The following XXYLT1 variants were observed in gnomAD, a reference collection of about 807,000 sequenced individuals.
The protein encoded by XXYLT1 is UDP-xylose:alpha-xyloside alpha-1,3-xylosyltransferase.
A neutral mutation model predicts 28.9 loss-of-function variants in XXYLT1; 20 were observed. The ratio of observed to expected loss-of-function variants is 0.69; its 90% confidence interval spans 0.49 to 1.00. The LOEUF (loss-of-function observed/expected upper bound fraction) is 1.00, where lower values mean the gene tolerates loss of function less well. Ranked by LOEUF, XXYLT1 falls within the 50% of genes least tolerant of loss-of-function variation. The pLI is 0.00. For synonymous variants in XXYLT1, 257 were observed against 253.8 expected (o/e 1.01, Z -0.12); for missense variants, 542 against 560.1 (o/e 0.97, Z 0.33).
intron 2 of XXYLT1, chr3:195,183,727 G>A (rs1320774481): frequency 6.6e-6 from 1 of 152,256 alleles, no homozygotes; most frequent in Non-Finnish European, 1.5e-5. Flanking sequence ...AACAGGAAGG[G>A]AGTGAAACTA....
At chr3:195,142,818 G>A (rs1033055724) in intron 3 of XXYLT1, among the ~76,000 whole-genome samples, 1 of 152,222 alleles carries the variant, frequency 6.6e-6, no homozygotes, top group Non-Finnish European at 1.5e-5. Context: ...GAAGCAGTGA[G>A]GATATACCTG....
chr3:195,255,907 C>T lies in XXYLT1; in HGVS notation c.504+14648G>A, dbSNP rs1725459421. Among the ~76,000 whole-genome samples the T allele has an allele frequency of 6.6e-6, 1 of 152,162 alleles. No homozygotes were observed. Among genetic ancestry groups the T allele is most frequent in the Non-Finnish European group, 1.5e-5 (1 of 68,002 alleles). On this transcript the variant is annotated intron_variant, in intron 1 of 3. Coordinates refer to ENST00000310380, the MANE Select transcript of XXYLT1 (RefSeq NM_152531.5). This position sits in a 1 kb window ranked among gnomAD's most constrained non-coding sequence, Gnocchi z 4.5. Reference sequence around the variant, plus strand: ...CTCCAACATCTCAGCCTGTAAATCCCACCTCCTAGAAAGAGGCTCCCTGCT... The same window carrying T: ...CTCCAACATCTCAGCCTGTAAATCCTACCTCCTAGAAAGAGGCTCCCTGCT...
At chr3:195,125,988 GC>G (rs1718600971) in intron 3 of XXYLT1, among the ~76,000 whole-genome samples, 1 of 151,844 alleles carries the variant, frequency 6.6e-6, no homozygotes, top group Non-Finnish European at 1.5e-5. Context: ...CACAAGGAGT[GC>G]CCCCAAAACC....
At chr3:195,159,324 CAAG>C (rs1720755190) in intron 2 of XXYLT1, among the ~76,000 whole-genome samples, 1 of 152,136 alleles carries the variant, frequency 6.6e-6, no homozygotes, top group Non-Finnish European at 1.5e-5. Context: ...AGCTGAGGGC[CAAG>C]AAGAGAGACT....
chr3:195,116,759 G>A (rs1718063133), intron 3 of XXYLT1, among the ~76,000 whole-genome samples: 1 of 152,222 alleles, frequency 6.6e-6, no homozygotes, highest in African/African-American at 2.4e-5. Flanking sequence ...ACCAGGTAAA[G>A]GCTGAGACGG....
intron 2 of XXYLT1, among the ~76,000 whole-genome samples, chr3:195,188,861 G>C (rs1181946589): frequency 6.6e-6 from 1 of 152,200 alleles, no homozygotes; most frequent in Non-Finnish European, 1.5e-5. Context: ...GTGACAACAT[G>C]ACAGAGATGC....
At chr3:195,248,191 C>CT (rs1180894769) in intron 1 of XXYLT1, among the ~76,000 whole-genome samples, 1 of 152,324 alleles carries the variant, frequency 6.6e-6, no homozygotes, top group South Asian at 2.1e-4. Flanking sequence ...CAGGCTTATA[C>CT]TGTTGTGCAA....
chr3:195,228,161 T>C (rs1724136256), intron 1 of XXYLT1, among the ~76,000 whole-genome samples: 1 of 152,156 alleles, frequency 6.6e-6, no homozygotes, highest in Admixed American at 6.5e-5. Context: ...CCACACTGCA[T>C]CCTAGCTGCT....
rs1409520963 is a variant in XXYLT1 at position 195,076,574 on chromosome 3, A to G, written c.786-6463T>C. On this transcript the variant is annotated intron_variant, in intron 3 of 3. Coordinates refer to ENST00000310380, the MANE Select transcript of XXYLT1 (RefSeq NM_152531.5). This position sits in a 1 kb window ranked among gnomAD's most constrained non-coding sequence, Gnocchi z 5.3. Reference sequence around the variant, plus strand: ...GTTAGTTCGCTAGGGCTGCCATCGCAAAGTACCACCAATGGGGCGGCTTCA... The same window carrying G: ...GTTAGTTCGCTAGGGCTGCCATCGCGAAGTACCACCAATGGGGCGGCTTCA... 2.0e-5 allele frequency among the ~76,000 whole-genome samples: 3 copies of G among 152,134 alleles called. No individual in the cohort carries two copies. The highest frequency in any genetic ancestry group is 7.2e-5 in the African/African-American group (3 of 41,420).
At chr3:195,163,070 T>C (rs1037415918) in intron 2 of XXYLT1, among the ~76,000 whole-genome samples, 3 of 152,234 alleles carry the variant, frequency 2.0e-5, no homozygotes, top group Admixed American at 6.5e-5. Context: ...TCACAACAGT[T>C]AGACCGATGA....
At chr3:195,098,896 G>A (rs918874218) in intron 3 of XXYLT1, among the ~76,000 whole-genome samples, 4 of 152,304 alleles carry the variant, frequency 2.6e-5, no homozygotes, top group South Asian at 2.1e-4. Flanking sequence ...AGGGCTTTCC[G>A]TCCCATGTTC....
At chr3:195,197,246 G>A (rs1005454263) in intron 2 of XXYLT1, among the ~76,000 whole-genome samples, 1 of 152,172 alleles carries the variant, frequency 6.6e-6, no homozygotes, top group Non-Finnish European at 1.5e-5. Context: ...AGACCAGCCT[G>A]GCCAACAAGG....
intron 3 of XXYLT1, among the ~76,000 whole-genome samples, chr3:195,071,180 A>G (rs565209284): frequency 2.6e-5 from 4 of 152,308 alleles, no homozygotes; most frequent in African/African-American, 9.6e-5. Context: ...GAGGACCATC[A>G]GGAGGCCCAC....
At chr3:195,113,272 G>T (rs796166791) in intron 3 of XXYLT1, among the ~76,000 whole-genome samples, 1 of 152,174 alleles carries the variant, frequency 6.6e-6, no homozygotes, top group Non-Finnish European at 1.5e-5. Context: ...AACATCTGGC[G>T]GGAGCTCGGA....
At chr3:195,261,720 T>TA (rs138639621) in intron 1 of XXYLT1, among the ~76,000 whole-genome samples, 1,636 of 152,268 alleles carry the variant, frequency 0.011, 35 homozygotes, top group African/African-American at 0.037. Flanking sequence ...GTAAATATAT[T>TA]AAAAAATACC....
intron 2 of XXYLT1, among the ~76,000 whole-genome samples, chr3:195,199,535 C>T (rs914590179): frequency 3.3e-5 from 5 of 151,900 alleles, no homozygotes; most frequent in African/African-American, 1.2e-4. Flanking sequence ...GGCGTGAACC[C>T]GGGAGGCGGA....
chr3:195,225,256 C>A (rs961009464), intron 2 of XXYLT1, among the ~76,000 whole-genome samples: 1 of 152,230 alleles, frequency 6.6e-6, no homozygotes, highest in Non-Finnish European at 1.5e-5. Context: ...CTTCTTCAGA[C>A]TCCTGCCCAG....
chr3:195,178,666 C>T (rs546517273), intron 2 of XXYLT1, among the ~76,000 whole-genome samples: 11 of 152,308 alleles, frequency 7.2e-5, no homozygotes, highest in Non-Finnish European at 1.0e-4. Flanking sequence ...GTGCCCAGCT[C>T]TGAAGCACGG....
chr3:195,179,038 G>A (rs527611144), intron 2 of XXYLT1, among the ~76,000 whole-genome samples: 21 of 152,280 alleles, frequency 1.4e-4, no homozygotes, highest in Non-Finnish European at 2.6e-4. Context: ...GGCCATGGAG[G>A]AGATTCAAGA....
Sources: allele counts gnomAD v4.1 joint callset (sites outside exome capture counted in the v4.1 genomes callset), GRCh38; gene constraint gnomAD v4.1.1; non-coding constraint Gnocchi (gnomAD v3.1); transcripts MANE v1.5; gene names NCBI Gene and HGNC (gene_info 2026-07-23, HGNC 2026-07-21).